Variants in CMIP observed in about 807,000 individuals in gnomAD.
The protein encoded by CMIP is C-Maf-inducing protein.
A neutral mutation model predicts 97.3 loss-of-function variants in CMIP; 13 were observed. The observed-to-expected ratio is 0.13, with a 90% CI of 0.09 to 0.21. The LOEUF (loss-of-function observed/expected upper bound fraction) is 0.21. CMIP is among the 10% of genes least tolerant of loss of function. CMIP has a pLI of 1.00. For synonymous variants in CMIP, 538 were observed against 436.3 expected (o/e 1.23, Z -2.91); for missense variants, 847 against 1,024.9 (o/e 0.83, Z 2.37).
intron 1 of CMIP, among the ~76,000 whole-genome samples, chr16:81,514,013 T>A (rs2089862799): frequency 7.1e-6 from 1 of 141,194 alleles, no homozygotes; most frequent in African/African-American, 2.5e-5. Flanking sequence ...TGGTTGCTGC[T>A]GCTAGTTTAA....
At chr16:81,455,224 G>C (rs1264387202) in intron 1 of CMIP, among the ~76,000 whole-genome samples, 1 of 152,206 alleles carries the variant, frequency 6.6e-6, no homozygotes, top group Non-Finnish European at 1.5e-5. Context: ...GGACCAGGCA[G>C]TTAGTCACAG....
At chr16:81,520,249 C>T (rs1567556149) in intron 1 of CMIP, 1 of 152,168 alleles carries the variant, frequency 6.6e-6, no homozygotes, top group Non-Finnish European at 1.5e-5. Context: ...GTGCACTCAG[C>T]CAAGTTACTT....
chr16:81,696,661 C>T lies in CMIP; in HGVS notation c.1632C>T (p.Ala544=). The T allele has an allele frequency of 8.7e-6, 14 of 1,605,564 alleles. No homozygotes were observed. Among genetic ancestry groups the T allele is most frequent in the Non-Finnish European group, 1.1e-5 (13 of 1,179,702 alleles). The change falls in exon 14 of 21, where the codon GCC becomes GCT. Residue 544 remains alanine (A), a synonymous_variant. Transcript: ENST00000537098. ...GCGACGATGACGGGGAGCTGTTCGC[C>T]AGCATGGTACGCAGTGGGACCCCAG... ...VACDDDGELF[A]SMVHILMGSC...
At chr16:81,658,355 A>C (rs2092508266) in intron 5 of CMIP, among the ~76,000 whole-genome samples, 1 of 152,268 alleles carries the variant, frequency 6.6e-6, no homozygotes, top group Non-Finnish European at 1.5e-5. Context: ...GAAAGAAATG[A>C]AATTGCACCT....
intron 1 of CMIP, among the ~76,000 whole-genome samples, chr16:81,576,486 A>G (rs1399318489): frequency 6.6e-6 from 1 of 152,164 alleles, no homozygotes. Context: ...CATCAGTTTT[A>G]AGGGAGGTTC....
chr16:81,679,004 T>TTG (rs886378142), intron 10 of CMIP, among the ~76,000 whole-genome samples: 6 of 152,040 alleles, frequency 3.9e-5, no homozygotes, highest in South Asian at 2.1e-4. Flanking sequence ...CTACATGAGT[T>TTG]TGTGTGTGTG....
chr16:81,678,014 C>A (rs889219813), intron 9 of CMIP, among the ~76,000 whole-genome samples: 2 of 152,188 alleles, frequency 1.3e-5, no homozygotes, highest in Middle Eastern at 3.2e-3. Context: ...TTTTGAGCAC[C>A]TGTTATGTGC....
chr16:81,681,933 G>C (rs1395253368), intron 10 of CMIP, among the ~76,000 whole-genome samples: 2 of 152,318 alleles, frequency 1.3e-5, no homozygotes, highest in Non-Finnish European at 1.5e-5. Flanking sequence ...TGTCAGCCTG[G>C]TGCGGTGGCT....
chr16:81,644,382 G>T (rs2092339741), intron 3 of CMIP, among the ~76,000 whole-genome samples: 1 of 152,222 alleles, frequency 6.6e-6, no homozygotes, highest in Non-Finnish European at 1.5e-5. Context: ...AGGGGGCTGT[G>T]TTTGACCCAG....
chr16:81,696,376 A>AT (rs1419565192), intron 13 of CMIP, 184 bp from the exon 14 acceptor site: 1 of 646,804 alleles, frequency 1.5e-6, no homozygotes, highest in Non-Finnish European at 2.7e-6. Context: ...GGGCCACGGT[A>AT]TTTCCCGAAA....
At chr16:81,537,034 T>C (rs1052906983) in intron 1 of CMIP, among the ~76,000 whole-genome samples, 2 of 152,194 alleles carry the variant, frequency 1.3e-5, no homozygotes, top group African/African-American at 4.8e-5. Flanking sequence ...TTGGCATGTA[T>C]GATTTTGTCT....
At chr16:81,523,400 GACTC>G (rs967318701) in intron 1 of CMIP, among the ~76,000 whole-genome samples, 1 of 152,186 alleles carries the variant, frequency 6.6e-6, no homozygotes, top group Non-Finnish European at 1.5e-5. Flanking sequence ...ATGGGGGACA[GACTC>G]ACCCCCTGTC....
At chr16:81,610,482 C>T (rs9936936) in intron 2 of CMIP, 513,846 of 985,366 alleles carry the variant, frequency 0.52, 135,454 homozygotes, top group East Asian at 0.66. Context: ...AGCCGGACTC[C>T]GAGCTAATGA....
At chr16:81,610,481 C>T (rs2091812995) in intron 2 of CMIP, 3 of 985,768 alleles carry the variant, frequency 3.0e-6, no homozygotes, top group Non-Finnish European at 3.6e-6. Context: ...GAGCCGGACT[C>T]CGAGCTAATG....
At chr16:81,646,125 TG>T (rs2092361773) in intron 3 of CMIP, among the ~76,000 whole-genome samples, 2 of 147,652 alleles carry the variant, frequency 1.4e-5, no homozygotes, top group Admixed American at 6.8e-5. Flanking sequence ...GAAGGATGGA[TG>T]GGTGGGTGGG....
intron 1 of CMIP, among the ~76,000 whole-genome samples, chr16:81,604,131 C>T (rs1419529918): frequency 3.9e-5 from 6 of 152,214 alleles, no homozygotes; most frequent in South Asian, 2.1e-4. Context: ...TGGTGGCTCA[C>T]GCCTGTAATC....
intron 1 of CMIP, among the ~76,000 whole-genome samples, chr16:81,481,235 C>G (rs899374406): frequency 2.0e-5 from 3 of 152,202 alleles, no homozygotes; most frequent in Admixed American, 1.3e-4. Context: ...CTCCATTATC[C>G]TCATGGTCTG....
At chr16:81,492,355 C>G (rs1425780427) in intron 1 of CMIP, among the ~76,000 whole-genome samples, 1 of 152,248 alleles carries the variant, frequency 6.6e-6, no homozygotes, top group Non-Finnish European at 1.5e-5. Flanking sequence ...TAGTCAACAG[C>G]TGGCTTTGAG....
At chr16:81,566,973 G>C (rs1217354174) in intron 1 of CMIP, among the ~76,000 whole-genome samples, 2 of 152,238 alleles carry the variant, frequency 1.3e-5, no homozygotes, top group East Asian at 3.8e-4. Context: ...GTTACTTCTT[G>C]AGGGAATTGC....
Sources: allele counts gnomAD v4.1 joint callset (sites outside exome capture counted in the v4.1 genomes callset), GRCh38; gene constraint gnomAD v4.1.1; transcripts MANE v1.5; gene names NCBI Gene and HGNC (gene_info 2026-07-23, HGNC 2026-07-21).